Variants in NIN observed in about 807,000 individuals in gnomAD.
The protein encoded by NIN is ninein, also known as glycogen synthase kinase 3 beta-interacting protein.
A neutral mutation model predicts 257.6 loss-of-function variants in NIN; 137 were observed. The ratio of observed to expected loss-of-function variants is 0.53; its 90% CI spans 0.46 to 0.61. The LOEUF (loss-of-function observed/expected upper bound fraction) is 0.61, where lower values mean the gene tolerates loss of function less well. NIN is among the 20% of genes least tolerant of loss of function. The pLI is 0.00. For missense variants in NIN, 2,439 were observed against 2,501.2 expected, an observed-to-expected ratio of 0.98 and a Z score of 0.53; for synonymous variants, 918 against 919.8, an observed-to-expected ratio of 1.00 and a Z score of 0.04.
chr14:50,763,796 T>G, intron 15 of NIN, 30 bp downstream of exon 15: 1 of 1,601,784 alleles, frequency 6.2e-7, no homozygotes, highest in Admixed American at 1.7e-5. Context: ...GAGTAAAGGC[T>G]TTATCTACAG....
chr14:50,802,828 G>A (rs965267843), intron 4 of NIN, among the ~76,000 whole-genome samples: 1 of 152,054 alleles, frequency 6.6e-6, no homozygotes, highest in South Asian at 2.1e-4. Context: ...CTCACTCAAG[G>A]GTGGCTCTAT....
Position 50,766,248 on chromosome 14 carries a change from G to T in NIN, c.1635+59C>A, listed in dbSNP as rs371275487. On this transcript the variant is annotated intron_variant, in intron 14 of 30. Transcript: ENST00000530997. ...TAGGGTCACAGAGCTAGGGAACGGGGAAGCTGGGGTCTGAACCCAGGCACT... is the reference window on the plus strand; with the variant it reads ...TAGGGTCACAGAGCTAGGGAACGGGTAAGCTGGGGTCTGAACCCAGGCACT... 2.4e-5 allele frequency: 31 copies of T among 1,312,612 alleles called. 1 individual carries two copies. The highest frequency in any genetic ancestry group is 2.0e-4 in the African/African-American group (14 of 69,076). The allele number at this position is 1,312,612 out of a possible 1,614,324, so 81.3% of individuals were successfully genotyped here.
At position 50,723,434 on chromosome 14, in the gene NIN, C is replaced by A; in HGVS notation, c.*29G>T. 2 of 1,588,324 alleles carry A rather than the reference C, an allele frequency of 1.3e-6. No individual in the cohort carries two copies. The highest frequency in any genetic ancestry group is 1.7e-6 in the Non-Finnish European group (2 of 1,159,618). ...AATGTTCATCTATTTCAGTAAAGTGCACAAATATGAGTGTACCCTTTGGTT... is the reference window on the plus strand; with the variant it reads ...AATGTTCATCTATTTCAGTAAAGTGAACAAATATGAGTGTACCCTTTGGTT... On this transcript the variant is annotated 3_prime_UTR_variant, in exon 31 of 31. Transcript: ENST00000530997.
At position 50,758,399 on chromosome 14, in the gene NIN, T is replaced by C. The variant is rs1486357641; in HGVS notation, c.2631A>G (p.Lys877=). The C allele has an allele frequency of 1.4e-5, 23 of 1,614,088 alleles. No homozygotes were observed. Among genetic ancestry groups the C allele is most frequent in the Admixed American group, 5.0e-5 (3 of 60,028 alleles). ...QECAEAQELL[K]ETLKREKTTS... is the part of the protein sequence containing the mutation. ...TTGTTTTCTCTCTCTTAAGAGTCTC[T>C]TTCAGCAGCTCCTGGGCTTCCGCAC... The change falls in exon 18 of 31, where the codon AAA becomes AAG. Residue 877 remains lysine (K), a synonymous_variant. Coordinates refer to ENST00000530997, the MANE Select transcript of NIN (RefSeq NM_020921.4).
At chr14:50,811,203 G>T (rs2044584220) in intron 3 of NIN, among the ~76,000 whole-genome samples, 1 of 150,960 alleles carries the variant, frequency 6.6e-6, no homozygotes, top group South Asian at 2.1e-4. Context: ...CCACCTCCCG[G>T]GTTCAAGCAA....
Position 50,801,565 on chromosome 14 carries a change from A to G in NIN, c.265+5172T>C, listed in dbSNP as rs552386129. On this transcript the variant is annotated intron_variant, in intron 4 of 30. Coordinates refer to ENST00000530997, the MANE Select transcript of NIN (RefSeq NM_020921.4). ...TCCTAAAATCAGGGACTTCAGCCAG[A>G]CTTCAGTGCCTAACCCAAGGCCTCT... is the stretch of plus-strand genomic sequence containing the variant. Among the ~76,000 whole-genome samples, 12 of 152,288 alleles carry G rather than the reference A, an allele frequency of 7.9e-5. 1 individual carries two copies. In the South Asian group the frequency reaches 2.1e-3, roughly 26 times the overall value.
At chr14:50,755,945 G>T (rs1462653831) in intron 18 of NIN, among the ~76,000 whole-genome samples, 1 of 152,028 alleles carries the variant, frequency 6.6e-6, no homozygotes, top group Non-Finnish European at 1.5e-5. Flanking sequence ...GAGATTGCAG[G>T]CATTTAAGCC....
At chr14:50,770,764 A>G in intron 11 of NIN, 88 bp downstream of exon 11, 1 of 1,468,092 alleles carries the variant, frequency 6.8e-7, no homozygotes, top group Non-Finnish European at 9.1e-7. Context: ...AAGAGTCCCC[A>G]GTGCACTGTT....
intron 29 of NIN, among the ~76,000 whole-genome samples, chr14:50,729,255 G>GTT (rs541953635): frequency 1.5e-5 from 2 of 133,620 alleles, no homozygotes; most frequent in Non-Finnish European, 1.6e-5. Context: ...TTGTGATTTT[G>GTT]TTTTTTTTTT....
intron 23 of NIN, among the ~76,000 whole-genome samples, chr14:50,743,983 G>A (rs574104432): frequency 7.8e-4 from 119 of 152,190 alleles, no homozygotes; most frequent in African/African-American, 2.4e-3. Flanking sequence ...ACAAAATAGC[G>A]GTATAAAGTA....
chr14:50,735,821 T>C (rs563633643), intron 27 of NIN, among the ~76,000 whole-genome samples: 1 of 152,322 alleles, frequency 6.6e-6, no homozygotes, highest in East Asian at 1.9e-4. Flanking sequence ...TCACACAGAA[T>C]AGATTCCTTA....
At chr14:50,743,563 AT>A in intron 23 of NIN, 34 bp from the exon 24 acceptor site, 1 of 1,353,634 alleles carries the variant, frequency 7.4e-7, no homozygotes, top group Non-Finnish European at 1.1e-6. Context: ...GTAAGAGGGC[AT>A]TTTTGCAAAC....
intron 3 of NIN, among the ~76,000 whole-genome samples, chr14:50,815,676 G>A (rs2044858235): frequency 6.6e-6 from 1 of 152,170 alleles, no homozygotes; most frequent in Non-Finnish European, 1.5e-5. Context: ...TAAAGAAAAT[G>A]TGGTACATAT....
chr14:50,827,580 T>G (rs961364750), intron 2 of NIN, among the ~76,000 whole-genome samples: 1 of 78,140 alleles, frequency 1.3e-5, no homozygotes, highest in African/African-American at 4.8e-5. Flanking sequence ...ACCCTGTCTC[T>G]ACTAAAAATA....
chr14:50,770,138 T>G (rs1027027447), intron 12 of NIN, among the ~76,000 whole-genome samples: 1 of 152,024 alleles, frequency 6.6e-6, no homozygotes, highest in African/African-American at 2.4e-5. Flanking sequence ...CCTGAAGACC[T>G]AGTGAACCCG....
chr14:50,723,154 C>G lies in NIN; in HGVS notation c.*309G>C, dbSNP rs1337920202. 3.8e-6 allele frequency: 1 copy of G among 262,766 alleles called. No homozygotes were observed. The highest frequency in any genetic ancestry group is 5.1e-5 in the Admixed American group (1 of 19,498). 16.3% of individuals were successfully genotyped at this position (262,766 alleles called of 1,614,324 possible). ...GATTTGTAATAATTAAAAAAAAAAC[C>G]AAAACCACAAAAACTCATTCAAAAC... is the stretch of plus-strand genomic sequence containing the variant. On this transcript the variant is annotated 3_prime_UTR_variant, in exon 31 of 31. Coordinates refer to ENST00000530997, the MANE Select transcript of NIN (RefSeq NM_020921.4).
chr14:50,787,659 T>C (rs184927856), intron 5 of NIN, among the ~76,000 whole-genome samples: 1 of 152,324 alleles, frequency 6.6e-6, no homozygotes, highest in Admixed American at 6.5e-5. Flanking sequence ...TCACCCAAGA[T>C]GAGAGGTCAG....
intron 22 of NIN, among the ~76,000 whole-genome samples, chr14:50,745,721 C>T (rs1397839477): frequency 1.3e-5 from 2 of 152,184 alleles, no homozygotes; most frequent in African/African-American, 2.4e-5. Context: ...TGTCTTCCTA[C>T]CCTCCAGACA....
intron 23 of NIN, 22 bp downstream of exon 23, chr14:50,744,221 A>G: frequency 6.2e-7 from 1 of 1,611,556 alleles, no homozygotes; most frequent in South Asian, 1.1e-5. Flanking sequence ...CGATGATGGT[A>G]AAGTCTTATT....
Sources: gnomAD v4.1 joint callset for allele counts (sites outside exome capture counted in the v4.1 genomes callset) on GRCh38, gnomAD v4.1.1 for gene constraint, MANE v1.5 for transcripts, NCBI Gene and HGNC (gene_info 2026-07-23, HGNC 2026-07-21) for gene names.